Variants in DLG2 observed in about 807,000 individuals in gnomAD.
DLG2 encodes the protein discs large MAGUK scaffold protein 2, also known as disks large homolog 2.
In DLG2, 45 loss-of-function variants were observed where a neutral mutation model predicts 132.5. The observed-to-expected ratio is 0.34, with a 90% CI of 0.27 to 0.44. The LOEUF (loss-of-function observed/expected upper bound fraction) is 0.44, where lower values mean the gene tolerates loss of function less well. DLG2 is among the 20% of genes least tolerant of loss of function. DLG2 has a pLI of 1.00. For synonymous variants in DLG2, 424 were observed against 419.6 expected (o/e 1.01, Z -0.13); for missense variants, 1,045 against 1,196.9 (o/e 0.87, Z 1.87).
intron 11 of DLG2, among the ~76,000 whole-genome samples, chr11:84,042,818 T>G (rs990073605): frequency 6.6e-6 from 1 of 151,686 alleles, no homozygotes; most frequent in Non-Finnish European, 1.5e-5. Flanking sequence ...CACTTATAAG[T>G]GGGAGCTGAA....
chr11:84,051,480 T>C lies in DLG2; in HGVS notation c.919+7835A>G, dbSNP rs538877397. On this transcript the variant is annotated intron_variant, in intron 11 of 27. Coordinates refer to ENST00000376104, the MANE Select transcript of DLG2 (RefSeq NM_001142699.3). ...TGAGTTCATGTCCTTTGTAGGGACATGGATGAAGCTGGAAACCATCATTCT... is the reference window on the plus strand; with the variant it reads ...TGAGTTCATGTCCTTTGTAGGGACACGGATGAAGCTGGAAACCATCATTCT... 4.0e-4 allele frequency among the ~76,000 whole-genome samples: 61 copies of C among 151,876 alleles called. 1 individual carries two copies. In the South Asian group the frequency reaches 0.011, roughly 27 times the overall value.
chr11:85,099,804 T>C (rs1449908606), intron 6 of DLG2, among the ~76,000 whole-genome samples: 1 of 152,154 alleles, frequency 6.6e-6, no homozygotes, highest in Non-Finnish European at 1.5e-5. Flanking sequence ...AAAGAGAACA[T>C]GATAGATAGG....
chr11:84,665,623 C>A lies in DLG2; in HGVS notation c.358-130892G>T, dbSNP rs142196187. On this transcript the variant is annotated intron_variant, in intron 6 of 27. Coordinates refer to ENST00000376104, the MANE Select transcript of DLG2 (RefSeq NM_001142699.3). Reference sequence around the variant, plus strand: ...TCTAATTGCTTCTCATTCACCCCACCCCACTTCTTGAAGACGGTTGCTTCT... The same window carrying A: ...TCTAATTGCTTCTCATTCACCCCACACCACTTCTTGAAGACGGTTGCTTCT... 7.9e-3 allele frequency among the ~76,000 whole-genome samples: 1,196 copies of A among 152,230 alleles called. 23 individuals are homozygous for A. Among genetic ancestry groups the A allele is most frequent in the African/African-American group, 0.026 (1,094 of 41,534 alleles).
chr11:84,652,029 G>T (rs1450833054), intron 6 of DLG2, among the ~76,000 whole-genome samples: 1 of 152,072 alleles, frequency 6.6e-6, no homozygotes, highest in East Asian at 1.9e-4. Flanking sequence ...AGTTTTAGAG[G>T]GAAGAGAGGA....
At chr11:84,033,495 G>A (rs1229896348) in intron 11 of DLG2, among the ~76,000 whole-genome samples, 2 of 152,128 alleles carry the variant, frequency 1.3e-5, no homozygotes, top group African/African-American at 2.4e-5. Context: ...CAAAGAAAGT[G>A]GTTTCTTGAG....
At chr11:85,365,294 A>T (rs1389118287) in intron 3 of DLG2, among the ~76,000 whole-genome samples, 1 of 152,200 alleles carries the variant, frequency 6.6e-6, no homozygotes, top group Non-Finnish European at 1.5e-5. Context: ...GAATGAGAAG[A>T]TCACATGCCT....
At chr11:84,838,885 C>T (rs1458114234) in intron 6 of DLG2, among the ~76,000 whole-genome samples, 2 of 152,072 alleles carry the variant, frequency 1.3e-5, no homozygotes, top group Non-Finnish European at 2.9e-5. Flanking sequence ...AAGCCAATAT[C>T]ATACTGAATG....
intron 6 of DLG2, among the ~76,000 whole-genome samples, chr11:84,642,967 T>C (rs1309630498): frequency 6.6e-6 from 1 of 152,222 alleles, no homozygotes; most frequent in Non-Finnish European, 1.5e-5. Context: ...CAGTAATTTT[T>C]TCCTTACCAG....
chr11:85,583,198 C>T (rs1316149208), intron 3 of DLG2, among the ~76,000 whole-genome samples: 1 of 135,700 alleles, frequency 7.4e-6, no homozygotes, highest in Non-Finnish European at 1.6e-5. Context: ...CAGGGTCTCA[C>T]TCTGTTGCCC....
chr11:84,956,342 T>C (rs923965761), intron 6 of DLG2, among the ~76,000 whole-genome samples: 1 of 152,198 alleles, frequency 6.6e-6, no homozygotes, highest in Non-Finnish European at 1.5e-5. Flanking sequence ...AGACGATCTA[T>C]CCTAAACATT....
chr11:84,313,649 G>GAAAGAAAGAAAGAAAGAAAGA (rs2098322717), intron 7 of DLG2, among the ~76,000 whole-genome samples: 1 of 125,912 alleles, frequency 7.9e-6, no homozygotes, highest in African/African-American at 3.0e-5. Flanking sequence ...GAAAAAGAAA[G>GAAAGAAAGAAAGAAAGAAAGA]AAAGAAAGAA....
intron 6 of DLG2, among the ~76,000 whole-genome samples, chr11:85,039,106 T>G (rs549696340): frequency 1.8e-4 from 27 of 152,110 alleles, no homozygotes; most frequent in African/African-American, 6.0e-4. Flanking sequence ...TTCTAGTAAG[T>G]AGTCAGACAT....
intron 6 of DLG2, among the ~76,000 whole-genome samples, chr11:85,054,822 T>A (rs1399740193): frequency 9.2e-5 from 14 of 152,144 alleles, no homozygotes; most frequent in Admixed American, 9.2e-4. Flanking sequence ...TGGGCACTTG[T>A]AGACTTAAAA....
At chr11:85,411,392 A>G (rs1005336581) in intron 3 of DLG2, among the ~76,000 whole-genome samples, 1 of 151,882 alleles carries the variant, frequency 6.6e-6, no homozygotes, top group African/African-American at 2.4e-5. Flanking sequence ...GTTAAAGAAC[A>G]TAGACATTAT....
At chr11:84,904,520 T>A (rs534628490) in intron 6 of DLG2, among the ~76,000 whole-genome samples, 2 of 152,248 alleles carry the variant, frequency 1.3e-5, no homozygotes, top group African/African-American at 4.8e-5. Flanking sequence ...GCTTTCCTAC[T>A]GTCACACATT....
chr11:84,542,783 C>CA (rs979149232), intron 6 of DLG2, among the ~76,000 whole-genome samples: 1 of 151,980 alleles, frequency 6.6e-6, no homozygotes, highest in Non-Finnish European at 1.5e-5. Flanking sequence ...CACGTGAAAA[C>CA]AAAAAATTTC....
chr11:83,856,494 G>A (rs2374460), intron 16 of DLG2, among the ~76,000 whole-genome samples: 143,492 of 152,202 alleles, frequency 0.94, 67,792 homozygotes, highest in Non-Finnish European at 0.96. Flanking sequence ...GCCAACATCT[G>A]TTGTTTTTTG....
intron 7 of DLG2, among the ~76,000 whole-genome samples, chr11:84,420,994 C>A (rs1273632863): frequency 6.6e-6 from 1 of 152,084 alleles, no homozygotes; most frequent in African/African-American, 2.4e-5. Flanking sequence ...GTTACTCATC[C>A]GTAGAAACCT....
chr11:84,545,245 C>T (rs1251316163), intron 6 of DLG2: 6 of 476,608 alleles, frequency 1.3e-5, no homozygotes, highest in African/African-American at 7.9e-5. Context: ...GGAGCTTCTG[C>T]CTCCTAAGGT....
Sources: allele counts gnomAD v4.1 joint callset (sites outside exome capture counted in the v4.1 genomes callset), GRCh38; gene constraint gnomAD v4.1.1; transcripts MANE v1.5; gene names NCBI Gene and HGNC (gene_info 2026-07-23, HGNC 2026-07-21).